ZPBP: variants seen among roughly 807,000 people sequenced by gnomAD.
ZPBP encodes zona pellucida binding protein, also known as zona pellucida-binding protein 1.
A neutral mutation model predicts 44.8 loss-of-function variants in ZPBP; 26 were observed. That is an observed-to-expected ratio of 0.58 (90% CI 0.43 to 0.81). ZPBP has a LOEUF of 0.81. Ranked by LOEUF, ZPBP falls within the 30% of genes least tolerant of loss-of-function variation. The probability of loss-of-function intolerance (pLI) is 0.00; values close to 1 mark genes in which losing one functional copy is unlikely to be tolerated. For missense variants in ZPBP, 409 were observed against 434.0 expected, an observed-to-expected ratio of 0.94 and a Z score of 0.51; for synonymous variants, 174 against 153.2, an observed-to-expected ratio of 1.14 and a Z score of -1.00.
intron 7 of ZPBP, among the ~76,000 whole-genome samples, chr7:49,945,744 G>A (rs1462748706): frequency 1.3e-5 from 2 of 151,906 alleles, no homozygotes; most frequent in African/African-American, 4.8e-5. Context: ...GGTGTAGTGT[G>A]TTTCATGTAG....
intron 7 of ZPBP, among the ~76,000 whole-genome samples, chr7:49,962,435 T>A (rs1271763672): frequency 6.6e-6 from 1 of 151,580 alleles, no homozygotes; most frequent in Non-Finnish European, 1.5e-5. Flanking sequence ...TTAGGAAAAA[T>A]TCAACCTGAT....
At chr7:49,937,216 A>G (rs1040940263), downstream of ZPBP, among the ~76,000 whole-genome samples, 4 of 152,220 alleles carry the variant, frequency 2.6e-5, no homozygotes, top group African/African-American at 4.8e-5. Context: ...AACATATAGT[A>G]AAGATAAAAC....
At chr7:49,996,114 C>T (rs1220995676) in intron 6 of ZPBP, among the ~76,000 whole-genome samples, 2 of 152,132 alleles carry the variant, frequency 1.3e-5, no homozygotes, top group African/African-American at 4.8e-5. Flanking sequence ...CAATATATTA[C>T]ATGTATCCCG....
intron 2 of ZPBP, among the ~76,000 whole-genome samples, chr7:49,860,528 CTG>C (rs1375865151): frequency 1.3e-5 from 2 of 152,216 alleles, no homozygotes; most frequent in South Asian, 2.1e-4. Context: ...TTGCTCCTAT[CTG>C]TGTGGCCACT....
At chr7:49,950,093 C>T (rs951646949) in intron 7 of ZPBP, among the ~76,000 whole-genome samples, 2 of 151,718 alleles carry the variant, frequency 1.3e-5, no homozygotes, top group Non-Finnish European at 3.0e-5. Flanking sequence ...AAACTGAGAA[C>T]AATCAATTTC....
intron 6 of ZPBP, among the ~76,000 whole-genome samples, chr7:49,989,261 A>C (rs1169002735): frequency 1.3e-5 from 2 of 152,180 alleles, no homozygotes; most frequent in Non-Finnish European, 2.9e-5. Flanking sequence ...CAGTCCCTGT[A>C]CGGGGTTCCT....
At chr7:50,004,175 C>T (rs1798208139) in intron 6 of ZPBP, among the ~76,000 whole-genome samples, 1 of 152,048 alleles carries the variant, frequency 6.6e-6, no homozygotes, top group Non-Finnish European at 1.5e-5. Flanking sequence ...GCTGCCACCA[C>T]AGCTAGAACA....
chr7:49,976,378 G>A (rs1231119481), intron 7 of ZPBP, among the ~76,000 whole-genome samples: 1 of 151,966 alleles, frequency 6.6e-6, no homozygotes, highest in African/African-American at 2.4e-5. Context: ...ATGTCTAATG[G>A]TGTTTTGATT....
At chr7:50,057,045 C>T (rs756135051) in intron 4 of ZPBP, among the ~76,000 whole-genome samples, 1 of 151,916 alleles carries the variant, frequency 6.6e-6, no homozygotes, top group Non-Finnish European at 1.5e-5. Context: ...ATTAGCCAGG[C>T]GTGGTGGCAC....
At chr7:49,851,205 C>T (rs972903558) in intron 2 of ZPBP, among the ~76,000 whole-genome samples, 7 of 152,156 alleles carry the variant, frequency 4.6e-5, no homozygotes, top group African/African-American at 1.7e-4. Flanking sequence ...TCTCTGTGCC[C>T]GTGTCTTCTC....
intron 2 of ZPBP, among the ~76,000 whole-genome samples, chr7:49,864,741 C>T (rs1790808277): frequency 6.6e-6 from 1 of 152,232 alleles, no homozygotes. Flanking sequence ...TTTATGAATG[C>T]TGTCTGCTCC....
intron 7 of ZPBP, among the ~76,000 whole-genome samples, chr7:49,939,094 G>A (rs1216777920): frequency 6.6e-6 from 1 of 152,160 alleles, no homozygotes; most frequent in African/African-American, 2.4e-5. Flanking sequence ...AATGTACACA[G>A]TAAGCTTCCA....
intron 2 of ZPBP, among the ~76,000 whole-genome samples, chr7:49,892,344 CCAGA>C (rs970833801): frequency 2.6e-5 from 4 of 151,592 alleles, no homozygotes; most frequent in Admixed American, 2.6e-4. Flanking sequence ...CCGCGCCCGG[CCAGA>C]CAAAGTAGAT....
At position 50,040,553 on chromosome 7, in the gene ZPBP, C is replaced by T. The variant is rs13234945; in HGVS notation, c.488-9243G>A. On this transcript the variant is annotated intron_variant, in intron 4 of 7. Transcript: ENST00000046087. ...GGTGGGTGTCGCCTCACCCGGGAAGCACAAGGGGTCAGAGAACTCCCTCCC... is the reference window on the plus strand; with the variant it reads ...GGTGGGTGTCGCCTCACCCGGGAAGTACAAGGGGTCAGAGAACTCCCTCCC... Among the ~76,000 whole-genome samples, 1,394 of 152,268 alleles carry T rather than the reference C, an allele frequency of 9.2e-3. 19 individuals carry two copies. Among genetic ancestry groups the T allele is most frequent in the Non-Finnish European group, 0.014 (941 of 68,028 alleles).
chr7:50,024,089 C>T (rs957687014), intron 5 of ZPBP, among the ~76,000 whole-genome samples: 1 of 151,894 alleles, frequency 6.6e-6, no homozygotes, highest in Non-Finnish European at 1.5e-5. Flanking sequence ...CAGGGAAATG[C>T]AAATGAAAAC....
chr7:49,853,711 T>C (rs1562732778), intron 2 of ZPBP, among the ~76,000 whole-genome samples: 2 of 152,130 alleles, frequency 1.3e-5, no homozygotes, highest in Non-Finnish European at 2.9e-5. Flanking sequence ...TAAAAACATT[T>C]AATTTTTTAT....
chr7:49,937,199 T>A (rs557804326), downstream of ZPBP, among the ~76,000 whole-genome samples: 3 of 152,272 alleles, frequency 2.0e-5, no homozygotes, highest in South Asian at 2.1e-4. Context: ...GTGGCCTGGA[T>A]CTAGTGAACA....
chr7:49,995,753 C>T lies in ZPBP; in HGVS notation c.784-12234G>A, dbSNP rs370908189. On this transcript the variant is annotated intron_variant, in intron 6 of 7. Transcript: ENST00000046087. Reference sequence around the variant, plus strand: ...AATAAAACTGGAGACCATTATGTTACGTGAAACAAGCCAGTCACAGAAGAC... The same window carrying T: ...AATAAAACTGGAGACCATTATGTTATGTGAAACAAGCCAGTCACAGAAGAC... Among the ~76,000 whole-genome samples the T allele has an allele frequency of 5.3e-5, 8 of 152,234 alleles. No individual in the cohort carries two copies. In the East Asian group the frequency reaches 1.2e-3, roughly 22 times the overall value.
intron 4 of ZPBP, among the ~76,000 whole-genome samples, chr7:50,053,226 T>C (rs1193109419): frequency 6.6e-5 from 10 of 152,210 alleles, no homozygotes; most frequent in Admixed American, 6.5e-4. Context: ...CTTGCAACCA[T>C]ATGTTAATCT....
Sources: allele counts gnomAD v4.1 joint callset (sites outside exome capture counted in the v4.1 genomes callset), GRCh38; gene constraint gnomAD v4.1.1; transcripts MANE v1.5; gene names NCBI Gene and HGNC (gene_info 2026-07-23, HGNC 2026-07-21).